Variants in ZNF385B observed in about 807,000 individuals in gnomAD.
ZNF385B encodes zinc finger protein 385B, also known as zinc finger protein 533.
ZNF385B carries 23 observed loss-of-function variants against 39.2 expected under a neutral mutation model. That is an observed-to-expected ratio of 0.59 (90% CI 0.42 to 0.83). The LOEUF (loss-of-function observed/expected upper bound fraction) is 0.83, where lower values mean the gene tolerates loss of function less well. Among genes scored for constraint, ZNF385B ranks in the 40% least tolerant of loss-of-function variants. The pLI is 0.00. For synonymous variants in ZNF385B, 205 were observed against 222.6 expected, an observed-to-expected ratio of 0.92 and a Z score of 0.70; for missense variants, 552 against 598.9, an observed-to-expected ratio of 0.92 and a Z score of 0.82.
chr2:179,468,507 A>G (rs1414278007), intron 6 of ZNF385B, among the ~76,000 whole-genome samples: 1 of 152,218 alleles, frequency 6.6e-6, no homozygotes, highest in East Asian at 1.9e-4. Flanking sequence ...GGTTCAGTAG[A>G]GATTCAAAAG....
At chr2:179,512,033 TG>T (rs2057725008) in intron 5 of ZNF385B, among the ~76,000 whole-genome samples, 1 of 152,144 alleles carries the variant, frequency 6.6e-6, no homozygotes, top group African/African-American at 2.4e-5. Flanking sequence ...TAAAAGCCTA[TG>T]GGGTCAACAT....
intron 1 of ZNF385B, among the ~76,000 whole-genome samples, chr2:179,831,263 CA>C (rs760185556): frequency 6.6e-6 from 1 of 152,080 alleles, no homozygotes; most frequent in Admixed American, 6.5e-5. Context: ...AAATTTTATA[CA>C]CTAATTTAAT....
chr2:179,681,014 C>G (rs1223807343), intron 3 of ZNF385B, among the ~76,000 whole-genome samples: 1 of 151,210 alleles, frequency 6.6e-6, no homozygotes, highest in African/African-American at 2.4e-5. Flanking sequence ...TGGATCCTTT[C>G]TATTATACAT....
At position 179,745,952 on chromosome 2, in the gene ZNF385B, T is replaced by G. The variant is rs1191976174; in HGVS notation, c.298+23551A>C. ...AATCCTTTACATGCTGGCAACATTT[T>G]AGGGAAGGACAAGCACACTCTGAGT... On this transcript the variant is annotated intron_variant, in intron 3 of 9. Coordinates refer to ENST00000410066, the MANE Select transcript of ZNF385B (RefSeq NM_152520.6). 10 of 1,231,666 alleles carry G rather than the reference T, an allele frequency of 8.1e-6. No individual in the cohort carries two copies. The African/African-American group carries it at 1.6e-4, about 19-fold the overall frequency. 76.3% of individuals were successfully genotyped at this position (1,231,666 alleles called of 1,614,324 possible). A position where few individuals can be genotyped will look rare whatever the true frequency, so the allele number is the denominator to read the frequency against.
At chr2:179,818,374 T>C (rs545847944) in intron 1 of ZNF385B, among the ~76,000 whole-genome samples, 7 of 152,240 alleles carry the variant, frequency 4.6e-5, no homozygotes, top group Non-Finnish European at 7.3e-5. Context: ...ATTGCCACTT[T>C]ATAAGTTAGC....
chr2:179,612,472 C>G (rs933098163), intron 3 of ZNF385B, among the ~76,000 whole-genome samples: 1 of 151,314 alleles, frequency 6.6e-6, no homozygotes, highest in African/African-American at 2.4e-5. Context: ...TGCTGTAGCT[C>G]TTGCAGACTT....
chr2:179,550,577 TA>T (rs1285462554), intron 3 of ZNF385B, among the ~76,000 whole-genome samples: 7 of 149,954 alleles, frequency 4.7e-5, no homozygotes, highest in Non-Finnish European at 8.9e-5. Context: ...CAGATTGTTT[TA>T]AAGTACTGGT....
chr2:179,780,993 T>TA (rs1055236145), intron 1 of ZNF385B, among the ~76,000 whole-genome samples: 2 of 152,188 alleles, frequency 1.3e-5, no homozygotes, highest in Non-Finnish European at 2.9e-5. Flanking sequence ...CTGCCCCAGG[T>TA]AAAATGGAGC....
chr2:179,586,782 T>C (rs1687110088), intron 3 of ZNF385B, among the ~76,000 whole-genome samples: 1 of 152,204 alleles, frequency 6.6e-6, no homozygotes, highest in South Asian at 2.1e-4. Flanking sequence ...CTCATGCCTG[T>C]AATCCCAGCA....
intron 6 of ZNF385B, among the ~76,000 whole-genome samples, chr2:179,459,938 T>C (rs4566326): frequency 0.2 from 30,758 of 151,526 alleles, 3,321 homozygotes; most frequent in Middle Eastern, 0.23. Flanking sequence ...ACCCCGTCTC[T>C]ACTAAAAATA....
intron 1 of ZNF385B, among the ~76,000 whole-genome samples, chr2:179,799,823 AAT>A (rs1385493011): frequency 2.0e-5 from 3 of 152,114 alleles, no homozygotes; most frequent in Non-Finnish European, 4.4e-5. Context: ...TCAAAGTTTT[AAT>A]TTGTTTGTTT....
intron 1 of ZNF385B, among the ~76,000 whole-genome samples, chr2:179,779,629 G>A (rs1015380406): frequency 2.6e-5 from 4 of 152,206 alleles, no homozygotes; most frequent in African/African-American, 9.7e-5. Flanking sequence ...GGACCTGGAG[G>A]GTGATTGTGA....
chr2:179,659,757 A>C (rs1205837563), intron 3 of ZNF385B, among the ~76,000 whole-genome samples: 3 of 152,218 alleles, frequency 2.0e-5, no homozygotes, highest in Non-Finnish European at 4.4e-5. Context: ...AGTTGTGCTA[A>C]CACTTAGATC....
chr2:179,861,053 G>T (rs1685023723), intron 1 of ZNF385B, 48 bp downstream of exon 1: 1 of 163,760 alleles, frequency 6.1e-6, no homozygotes, highest in South Asian at 2.1e-4. Context: ...GCAAGCAGAG[G>T]GCGCCCAGTC....
At chr2:179,778,567 C>T (rs1238795329) in intron 1 of ZNF385B, among the ~76,000 whole-genome samples, 1 of 152,162 alleles carries the variant, frequency 6.6e-6, no homozygotes, top group Non-Finnish European at 1.5e-5. Flanking sequence ...ATTCTCATGT[C>T]ATCTTTACAA....
intron 1 of ZNF385B, among the ~76,000 whole-genome samples, chr2:179,827,406 C>A (rs1309204431): frequency 6.6e-6 from 1 of 152,066 alleles, no homozygotes; most frequent in African/African-American, 2.4e-5. Flanking sequence ...GATCTCTCTT[C>A]TATTAATTCA....
intron 1 of ZNF385B, among the ~76,000 whole-genome samples, chr2:179,823,769 A>G (rs541668969): frequency 6.6e-6 from 1 of 152,246 alleles, no homozygotes; most frequent in Non-Finnish European, 1.5e-5. Flanking sequence ...ATCCAACTCT[A>G]AGATCTTCCT....
chr2:179,498,316 C>T (rs555919394), intron 5 of ZNF385B, among the ~76,000 whole-genome samples: 183 of 151,716 alleles, frequency 1.2e-3, no homozygotes, highest in African/African-American at 4.2e-3. Context: ...CTACATATAA[C>T]AAGTCTACAT....
intron 3 of ZNF385B, among the ~76,000 whole-genome samples, chr2:179,652,687 T>C (rs1236866335): frequency 2.6e-5 from 4 of 152,222 alleles, no homozygotes; most frequent in Non-Finnish European, 5.9e-5. Context: ...CCCTAAGATA[T>C]TTTACTAATT....
Sources: allele counts gnomAD v4.1 joint callset (sites outside exome capture counted in the v4.1 genomes callset), GRCh38; gene constraint gnomAD v4.1.1; transcripts MANE v1.5; gene names NCBI Gene and HGNC (gene_info 2026-07-23, HGNC 2026-07-21).